The following NPAS3 variants were observed in gnomAD, a reference collection of about 807,000 sequenced individuals.
NPAS3 encodes the protein neuronal PAS domain-containing protein 3.
NPAS3 carries 14 observed loss-of-function variants against 73.1 expected under a neutral mutation model. That is an observed-to-expected ratio of 0.19 (90% confidence interval 0.13 to 0.30). The LOEUF (loss-of-function observed/expected upper bound fraction) is 0.30. Ranked by LOEUF, NPAS3 falls within the 10% of genes least tolerant of loss-of-function variation. NPAS3 has a pLI of 1.00. For synonymous variants in NPAS3, 620 were observed against 541.5 expected (o/e 1.14, Z -2.01); for missense variants, 1,096 against 1,250.0 (o/e 0.88, Z 1.86).
chr14:33,193,640 C>T (rs1052535881), intron 2 of NPAS3, among the ~76,000 whole-genome samples: 1 of 152,138 alleles, frequency 6.6e-6, no homozygotes, highest in African/African-American at 2.4e-5. Context: ...ATAGGCTCTG[C>T]TCCTCTAACT....
intron 3 of NPAS3, among the ~76,000 whole-genome samples, chr14:33,332,133 C>T (rs2044013167): frequency 6.6e-6 from 1 of 152,184 alleles, no homozygotes; most frequent in South Asian, 2.1e-4. Flanking sequence ...ATACAAGGTT[C>T]TGGGTACTCC....
At chr14:33,762,379 A>G (rs2062322332) in intron 7 of NPAS3, among the ~76,000 whole-genome samples, 1 of 152,214 alleles carries the variant, frequency 6.6e-6, no homozygotes, top group Admixed American at 6.5e-5. Context: ...ACTTGCAGCA[A>G]TCTGCACTAG....
intron 4 of NPAS3, among the ~76,000 whole-genome samples, chr14:33,423,138 C>T (rs544522088): frequency 1.6e-4 from 25 of 152,106 alleles, no homozygotes; most frequent in African/African-American, 5.8e-4. Flanking sequence ...CGGAATTCTC[C>T]GCTAGCAGTT....
At chr14:33,611,290 G>T (rs961643204) in intron 5 of NPAS3, among the ~76,000 whole-genome samples, 4 of 152,168 alleles carry the variant, frequency 2.6e-5, no homozygotes, top group South Asian at 4.1e-4. Context: ...TTAAAAGTAG[G>T]GTGGTTGTTA....
chr14:33,272,098 C>T (rs2041117812), intron 3 of NPAS3, among the ~76,000 whole-genome samples: 1 of 152,196 alleles, frequency 6.6e-6, no homozygotes, highest in South Asian at 2.1e-4. Flanking sequence ...CCTTGCGTAG[C>T]ACTTGTAATC....
chr14:33,390,532 A>G (rs977692778), intron 4 of NPAS3, among the ~76,000 whole-genome samples: 2 of 152,224 alleles, frequency 1.3e-5, no homozygotes, highest in African/African-American at 4.8e-5. Flanking sequence ...TCATCCCCCT[A>G]TTACATTATA....
At chr14:33,059,609 C>A (rs1312717016) in intron 2 of NPAS3, among the ~76,000 whole-genome samples, 1 of 152,106 alleles carries the variant, frequency 6.6e-6, no homozygotes, top group Admixed American at 6.5e-5. Flanking sequence ...TTTTAGTGGT[C>A]TTTTACAGTT....
At chr14:33,644,298 C>T (rs1486381642) in intron 5 of NPAS3, among the ~76,000 whole-genome samples, 1 of 152,172 alleles carries the variant, frequency 6.6e-6, no homozygotes, top group East Asian at 1.9e-4. Context: ...GTATGGCATG[C>T]AAAAGTAAAT....
At chr14:33,485,710 G>A (rs2051553650) in intron 4 of NPAS3, among the ~76,000 whole-genome samples, 1 of 152,062 alleles carries the variant, frequency 6.6e-6, no homozygotes, top group African/African-American at 2.4e-5. Flanking sequence ...TCACAAAAAT[G>A]GAAAACTACA....
intron 2 of NPAS3, among the ~76,000 whole-genome samples, chr14:33,165,755 A>G (rs2045113297): frequency 6.6e-6 from 1 of 151,618 alleles, no homozygotes; most frequent in South Asian, 2.1e-4. Flanking sequence ...AATGTGCACC[A>G]TTTACCCCAC....
intron 4 of NPAS3, among the ~76,000 whole-genome samples, chr14:33,453,037 A>G (rs1283030584): frequency 6.6e-6 from 1 of 152,106 alleles, no homozygotes; most frequent in Non-Finnish European, 1.5e-5. Flanking sequence ...ATCGTAGGTG[A>G]CAGAGGCTCC....
intron 2 of NPAS3, among the ~76,000 whole-genome samples, chr14:33,066,247 C>G (rs912462566): frequency 6.6e-6 from 1 of 152,080 alleles, no homozygotes; most frequent in Non-Finnish European, 1.5e-5. Flanking sequence ...TTCATGGCAC[C>G]ACCCTTTTAA....
At chr14:33,440,135 A>G (rs1210203611) in intron 4 of NPAS3, among the ~76,000 whole-genome samples, 1 of 151,902 alleles carries the variant, frequency 6.6e-6, no homozygotes, top group East Asian at 1.9e-4. Flanking sequence ...AAAAAAAGAA[A>G]AAAGACCATT....
chr14:33,347,399 GACAC>G (rs532120415), intron 3 of NPAS3, among the ~76,000 whole-genome samples: 2 of 152,104 alleles, frequency 1.3e-5, no homozygotes, highest in Non-Finnish European at 1.5e-5. Flanking sequence ...TTAAAATGTG[GACAC>G]ACACACACAA....
intron 2 of NPAS3, among the ~76,000 whole-genome samples, chr14:33,182,941 C>T (rs963655174): frequency 1.3e-5 from 2 of 152,192 alleles, no homozygotes; most frequent in African/African-American, 4.8e-5. Flanking sequence ...CTGGCAGTGA[C>T]ATTGAATTGT....
chr14:33,678,915 C>T (rs1225906069), intron 6 of NPAS3, among the ~76,000 whole-genome samples: 2 of 152,124 alleles, frequency 1.3e-5, no homozygotes, highest in Admixed American at 6.5e-5. Flanking sequence ...ACCCTAGGTA[C>T]ACTAGTAGAA....
intron 5 of NPAS3, among the ~76,000 whole-genome samples, chr14:33,671,524 A>G (rs1045840090): frequency 1.3e-5 from 2 of 152,322 alleles, no homozygotes; most frequent in South Asian, 4.1e-4. Flanking sequence ...ACTAGTGACT[A>G]TGGCTTGTCC....
intron 3 of NPAS3, among the ~76,000 whole-genome samples, chr14:33,228,421 T>C (rs2047717510): frequency 6.6e-6 from 1 of 152,174 alleles, no homozygotes; most frequent in South Asian, 2.1e-4. Flanking sequence ...ACAAAAAAAT[T>C]CTTAAAATAT....
chr14:33,495,756 T>C (rs972672431), intron 4 of NPAS3, among the ~76,000 whole-genome samples: 7 of 152,222 alleles, frequency 4.6e-5, no homozygotes, highest in South Asian at 4.2e-4. Context: ...TTTTAATCTT[T>C]GTTTGTTTAA....
Sources: gnomAD v4.1 joint callset for allele counts (sites outside exome capture counted in the v4.1 genomes callset) on GRCh38, gnomAD v4.1.1 for gene constraint, MANE v1.5 for transcripts, NCBI Gene and HGNC (gene_info 2026-07-23, HGNC 2026-07-21) for gene names.